The following RIC1 variants were observed in gnomAD, a reference collection of about 807,000 sequenced individuals.
The protein encoded by RIC1 is RIC1 partner of RAB6A GEF complex.
In RIC1, 88 loss-of-function variants were observed where a neutral mutation model predicts 169.0. That is an observed-to-expected ratio of 0.52 (90% CI 0.44 to 0.62). The LOEUF (loss-of-function observed/expected upper bound fraction) is 0.62. Among genes scored for constraint, RIC1 ranks in the 20% least tolerant of loss-of-function variants. RIC1 has a pLI of 0.00. For synonymous variants in RIC1, 790 were observed against 601.5 expected (o/e 1.31, Z -4.59); for missense variants, 1,877 against 1,725.5 (o/e 1.09, Z -1.56).
intron 2 of RIC1, among the ~76,000 whole-genome samples, chr9:5,669,378 A>G (rs1819961800): frequency 6.6e-6 from 1 of 152,230 alleles, no homozygotes; most frequent in Non-Finnish European, 1.5e-5. Flanking sequence ...GTGAGAACGT[A>G]GGATGTTTGG....
chr9:5,708,002 T>G (rs560791153), intron 3 of RIC1, among the ~76,000 whole-genome samples: 2 of 152,098 alleles, frequency 1.3e-5, no homozygotes, highest in African/African-American at 4.8e-5. Flanking sequence ...TTATTGTTGT[T>G]GTTGGTTTGA....
At chr9:5,671,890 C>G (rs1418314593) in intron 2 of RIC1, among the ~76,000 whole-genome samples, 2 of 152,162 alleles carry the variant, frequency 1.3e-5, no homozygotes, top group African/African-American at 4.8e-5. Flanking sequence ...TCACAGTTCT[C>G]TAAGTGAGCT....
intron 3 of RIC1, among the ~76,000 whole-genome samples, chr9:5,694,704 A>G (rs1017519088): frequency 6.6e-6 from 1 of 152,172 alleles, no homozygotes; most frequent in South Asian, 2.1e-4. Context: ...AGGACTGCCC[A>G]AATCAGAGAG....
At chr9:5,739,385 G>C (rs180728227) in intron 8 of RIC1, among the ~76,000 whole-genome samples, 6 of 152,236 alleles carry the variant, frequency 3.9e-5, no homozygotes, top group Non-Finnish European at 5.9e-5. Context: ...AATTCAGCCT[G>C]ATCCAACTCT....
At chr9:5,762,396 C>T (rs1826396122) in intron 17 of RIC1, 145 bp from the exon 18 acceptor site, 2 of 954,928 alleles carry the variant, frequency 2.1e-6, no homozygotes, top group African/African-American at 3.3e-5. Flanking sequence ...TATATTCCCA[C>T]AGAGCCTAGC....
intron 6 of RIC1, among the ~76,000 whole-genome samples, chr9:5,724,343 T>A (rs1004590794): frequency 6.6e-6 from 1 of 152,228 alleles, no homozygotes; most frequent in Non-Finnish European, 1.5e-5. Flanking sequence ...AGTTCACTCA[T>A]GATTTGGTTC....
At chr9:5,748,533 C>T (rs561816537) in intron 12 of RIC1, 1 of 152,606 alleles carries the variant, frequency 6.6e-6, no homozygotes, top group Admixed American at 6.5e-5. Context: ...AATAAAACTG[C>T]ACTAGCTACT....
At chr9:5,738,926 T>C (rs1441613706) in intron 8 of RIC1, among the ~76,000 whole-genome samples, 1 of 152,154 alleles carries the variant, frequency 6.6e-6, no homozygotes, top group East Asian at 1.9e-4. Flanking sequence ...TTACCTTTGA[T>C]AGTTGAGTGC....
At chr9:5,720,919 G>T (rs982158691) in intron 6 of RIC1, among the ~76,000 whole-genome samples, 169 bp downstream of exon 6, 1 of 152,122 alleles carries the variant, frequency 6.6e-6, no homozygotes, top group South Asian at 2.1e-4. Flanking sequence ...TCTTGGACAT[G>T]TTAAAGAAAA....
intron 3 of RIC1, among the ~76,000 whole-genome samples, chr9:5,692,851 G>A (rs1309372823): frequency 6.6e-6 from 1 of 152,034 alleles, no homozygotes. Context: ...ACTGTTCTAA[G>A]CATTTTTTAA....
intron 1 of RIC1, among the ~76,000 whole-genome samples, chr9:5,637,667 A>G (rs77124231): frequency 6.6e-6 from 1 of 151,960 alleles, no homozygotes; most frequent in African/African-American, 2.4e-5. Flanking sequence ...CATTAGTTCA[A>G]TTGTTTTGAT....
chr9:5,756,910 C>G (rs1338559436), intron 16 of RIC1, among the ~76,000 whole-genome samples: 2 of 152,096 alleles, frequency 1.3e-5, no homozygotes, highest in East Asian at 1.9e-4. Context: ...TATTTTTGTT[C>G]TCAGAGGTTA....
chr9:5,631,750 C>A (rs1221766841), intron 1 of RIC1, among the ~76,000 whole-genome samples: 1 of 151,620 alleles, frequency 6.6e-6, no homozygotes, highest in Non-Finnish European at 1.5e-5. Context: ...GATTACATGC[C>A]TAGGTGAGTG....
chr9:5,774,007 C>T lies in RIC1; in HGVS notation c.4033C>T (p.Leu1345Phe). 1.9e-6 allele frequency: 3 copies of T among 1,613,524 alleles called. No homozygotes were observed. The highest frequency in any genetic ancestry group is 2.5e-6 in the Non-Finnish European group (3 of 1,179,720). Residue 1345 changes from leucine to phenylalanine, a missense_variant, in exon 26 of 26, where the codon CTC (leucine) becomes TTC (phenylalanine). Around this residue, in one of 3 missense-constraint regions of RIC1, gnomAD observed 681 missense variants for 582.0 expected, o/e 1.17. Transcript: ENST00000414202. ...CATCATTAAGCCACAACTGCAGAAG[C>T]TCAGTGAGATAACAGAAGAGCAGGT... Reference protein sequence around the residue: ...LNIIKPQLQKLSEITEEQVQP... With the variant: ...LNIIKPQLQKFSEITEEQVQP...
In RIC1 at chr9:5,772,928, A is replaced by G. The variant is rs146312357; in HGVS notation, c.3831A>G (p.Leu1277=). 7 of 1,613,654 alleles carry G rather than the reference A, an allele frequency of 4.3e-6. No individual in the cohort carries two copies. Among genetic ancestry groups the G allele is most frequent in the Non-Finnish European group, 5.9e-6 (7 of 1,179,790 alleles). ...ACATTTTCATGGAGGCAGGGTGCCT[A>G]GACTGGTGCATCGTTATAGGCCTGA... is the stretch of plus-strand genomic sequence containing the variant. The part of the protein sequence containing the change: ...LLHIFMEAGC[L]DWCIVIGLIL... Residue 1277 remains leucine, a synonymous_variant, in exon 25 of 26, where the codon CTA becomes CTG. Transcript: ENST00000414202.
intron 12 of RIC1, among the ~76,000 whole-genome samples, chr9:5,750,000 A>G (rs1042815635): frequency 1.3e-5 from 2 of 151,636 alleles, no homozygotes; most frequent in Non-Finnish European, 2.9e-5. Context: ...GCTGGTCTCA[A>G]ACTCCTGACC....
chr9:5,654,867 T>G (rs1306579262), intron 1 of RIC1, among the ~76,000 whole-genome samples: 1 of 152,198 alleles, frequency 6.6e-6, no homozygotes, highest in East Asian at 1.9e-4. Context: ...AATGTGTTTA[T>G]AATGACAAAT....
intron 1 of RIC1, among the ~76,000 whole-genome samples, chr9:5,638,571 T>G (rs1008618511): frequency 1.3e-5 from 2 of 152,222 alleles, no homozygotes; most frequent in African/African-American, 4.8e-5. Context: ...CTTGGTAGGT[T>G]GTATGTGCTA....
chr9:5,698,793 G>T (rs1340199221), intron 3 of RIC1, among the ~76,000 whole-genome samples: 1 of 152,166 alleles, frequency 6.6e-6, no homozygotes, highest in East Asian at 1.9e-4. Context: ...TGGTATTGTT[G>T]TCTAGGTTGC....
Sources: gnomAD v4.1 joint callset for allele counts (sites outside exome capture counted in the v4.1 genomes callset) on GRCh38, gnomAD v4.1.1 for gene constraint, gnomAD v4.1.1 regional missense constraint, MANE v1.5 for transcripts, NCBI Gene and HGNC (gene_info 2026-07-23, HGNC 2026-07-21) for gene names.